The following CABCOCO1 variants were observed in gnomAD, a reference collection of about 807,000 sequenced individuals.
The protein encoded by CABCOCO1 is ciliary associated calcium binding coiled-coil 1, also known as ciliary-associated calcium-binding coiled-coil protein 1.
In CABCOCO1, 28 loss-of-function variants were observed where a neutral mutation model predicts 35.7. That is an observed-to-expected ratio of 0.78 (90% confidence interval 0.58 to 1.07). The LOEUF (loss-of-function observed/expected upper bound fraction) is 1.07. Ranked by LOEUF, CABCOCO1 falls within the 50% of genes least tolerant of loss-of-function variation. The pLI is 0.00. For missense variants in CABCOCO1, 326 were observed against 309.2 expected (o/e 1.05, Z -0.41); for synonymous variants, 95 against 100.1 (o/e 0.95, Z 0.30).
intron 5 of CABCOCO1, among the ~76,000 whole-genome samples, chr10:61,720,757 AAAC>A (rs1350860760): frequency 6.6e-6 from 1 of 152,066 alleles, no homozygotes; most frequent in African/African-American, 2.4e-5. Flanking sequence ...TCTGGGCATG[AAAC>A]AACATCTTCA....
intron 5 of CABCOCO1, among the ~76,000 whole-genome samples, chr10:61,697,539 G>T (rs1213569575): frequency 6.6e-6 from 1 of 152,076 alleles, no homozygotes; most frequent in East Asian, 1.9e-4. Context: ...AAAACCAAAA[G>T]AATTTATACT....
intron 5 of CABCOCO1, among the ~76,000 whole-genome samples, chr10:61,747,143 A>C (rs1231672959): frequency 6.6e-6 from 1 of 152,206 alleles, no homozygotes; most frequent in East Asian, 1.9e-4. Flanking sequence ...ATAATGTTGT[A>C]TTTCTGTGTC....
At chr10:61,757,537 A>T (rs1841922695) in intron 5 of CABCOCO1, among the ~76,000 whole-genome samples, 2 of 152,064 alleles carry the variant, frequency 1.3e-5, no homozygotes, top group South Asian at 4.1e-4. Flanking sequence ...AAATCAAATT[A>T]ATAGTTATAT....
intron 5 of CABCOCO1, among the ~76,000 whole-genome samples, chr10:61,706,227 T>A (rs190112544): frequency 2.0e-5 from 3 of 152,310 alleles, no homozygotes; most frequent in Non-Finnish European, 4.4e-5. Context: ...CAAATATATA[T>A]GTTTCAGTTT....
rs1007709373 is a variant in CABCOCO1 at position 61,720,775 on chromosome 10, G to C, written c.552+30154G>C. ...GGGCATGAAACAACATCTTCAAAAA[G>C]ACTTAAAGAACAGTCTATATAGCGG... On this transcript the variant is annotated intron_variant, in intron 5 of 7. Coordinates refer to ENST00000648843, the MANE Select transcript of CABCOCO1 (RefSeq NM_001366906.2). Among the ~76,000 whole-genome samples, 15 of 152,138 alleles carry C rather than the reference G, an allele frequency of 9.9e-5. No homozygotes were observed. In the South Asian group the frequency reaches 1.2e-3, roughly 13 times the overall value.
intron 5 of CABCOCO1, among the ~76,000 whole-genome samples, chr10:61,728,474 A>G (rs1589143828): frequency 6.6e-6 from 1 of 152,200 alleles, no homozygotes; most frequent in African/African-American, 2.4e-5. Flanking sequence ...TCATAAGTGA[A>G]TTCAATAGAA....
At chr10:61,666,264 T>C (rs1589105372) in intron 1 of CABCOCO1, among the ~76,000 whole-genome samples, 1 of 152,286 alleles carries the variant, frequency 6.6e-6, no homozygotes, top group East Asian at 1.9e-4. Context: ...AGCAGCAAAA[T>C]TGTCAGTTTC....
At chr10:61,677,698 C>T (rs1839560405) in intron 2 of CABCOCO1, among the ~76,000 whole-genome samples, 2 of 152,194 alleles carry the variant, frequency 1.3e-5, no homozygotes, top group East Asian at 1.9e-4. Context: ...CTCCCCACTC[C>T]CCCAACCCCA....
intron 6 of CABCOCO1, 62 bp downstream of exon 6, chr10:61,760,243 G>A: frequency 6.5e-7 from 1 of 1,532,678 alleles, no homozygotes; most frequent in South Asian, 1.2e-5. Context: ...TGGGGTGGGA[G>A]GAAACGAACT....
intron 5 of CABCOCO1, among the ~76,000 whole-genome samples, chr10:61,746,861 A>G (rs970460201): frequency 3.3e-5 from 5 of 152,184 alleles, no homozygotes; most frequent in African/African-American, 4.8e-5. Context: ...AAACAAAAAA[A>G]AACCATAATT....
chr10:61,676,792 T>C (rs1839523377), intron 2 of CABCOCO1, among the ~76,000 whole-genome samples: 2 of 152,124 alleles, frequency 1.3e-5, no homozygotes, highest in Admixed American at 1.3e-4. Flanking sequence ...CCGGGCGTGG[T>C]GGCTCATGCC....
At chr10:61,701,777 C>G (rs1247879000) in intron 5 of CABCOCO1, 2 of 984,978 alleles carry the variant, frequency 2.0e-6, no homozygotes, top group Non-Finnish European at 2.4e-6. Context: ...AAAATGTTGT[C>G]AAAGGAAAAT....
intron 5 of CABCOCO1, among the ~76,000 whole-genome samples, chr10:61,732,161 T>C (rs1841318099): frequency 6.6e-6 from 1 of 152,114 alleles, no homozygotes; most frequent in Non-Finnish European, 1.5e-5. Context: ...TTGAATTCTT[T>C]ATTGGCATAA....
chr10:61,732,353 A>G (rs1196474830), intron 5 of CABCOCO1, among the ~76,000 whole-genome samples: 13 of 152,092 alleles, frequency 8.5e-5, no homozygotes, highest in Non-Finnish European at 1.8e-4. Flanking sequence ...CTAGGAAAAT[A>G]TGATGCCATC....
At chr10:61,668,171 C>T (rs1216186339) in intron 1 of CABCOCO1, among the ~76,000 whole-genome samples, 3 of 151,724 alleles carry the variant, frequency 2.0e-5, no homozygotes, top group Admixed American at 6.6e-5. Context: ...ATGATCCAAC[C>T]TTGGATCTCT....
At chr10:61,680,591 ATG>A (rs1817991005) in intron 2 of CABCOCO1, among the ~76,000 whole-genome samples, 2 of 46,834 alleles carry the variant, frequency 4.3e-5, no homozygotes, top group African/African-American at 1.3e-4. Flanking sequence ...TATATAACAT[ATG>A]TTATACATGT....
intron 5 of CABCOCO1, among the ~76,000 whole-genome samples, chr10:61,724,312 A>G (rs79222364): frequency 0.021 from 3,233 of 152,314 alleles, 67 homozygotes; most frequent in Middle Eastern, 0.048. Flanking sequence ...GGATATGTAG[A>G]CTGAGAATAG....
intron 5 of CABCOCO1, among the ~76,000 whole-genome samples, chr10:61,723,161 T>C (rs1410094023): frequency 6.6e-6 from 1 of 152,228 alleles, no homozygotes; most frequent in African/African-American, 2.4e-5. Flanking sequence ...AGTGGAGTTA[T>C]TGCAGGACAG....
intron 5 of CABCOCO1, among the ~76,000 whole-genome samples, chr10:61,758,163 C>T (rs1341721219): frequency 4.6e-5 from 7 of 152,146 alleles, no homozygotes; most frequent in Admixed American, 4.6e-4. Context: ...CCCCACCACC[C>T]CCACTCCAAA....
Sources: allele counts gnomAD v4.1 joint callset (sites outside exome capture counted in the v4.1 genomes callset), GRCh38; gene constraint gnomAD v4.1.1; transcripts MANE v1.5; gene names NCBI Gene and HGNC (gene_info 2026-07-23, HGNC 2026-07-21).